MPDZ: variants seen among roughly 807,000 people sequenced by gnomAD.
MPDZ encodes multiple PDZ domain protein.
A neutral mutation model predicts 239.1 loss-of-function variants in MPDZ; 234 were observed. The observed-to-expected ratio is 0.98, with a 90% CI of 0.88 to 1.09. The LOEUF (loss-of-function observed/expected upper bound fraction) is 1.09, where lower values mean the gene tolerates loss of function less well. Among genes scored for constraint, MPDZ ranks in the 50% least tolerant of loss-of-function variants. MPDZ has a pLI of 0.00. For missense variants in MPDZ, 3,175 were observed against 2,510.0 expected, an observed-to-expected ratio of 1.26 and a Z score of -5.66; for synonymous variants, 1,048 against 881.3, an observed-to-expected ratio of 1.19 and a Z score of -3.35.
At position 13,186,370 on chromosome 9, in the gene MPDZ, C is replaced by G; in HGVS notation, c.2381G>C (p.Gly794Ala). The change falls in exon 18 of 47, where the codon GGT (glycine) becomes GCT (alanine). Residue 794 changes from glycine (G) to alanine (A), a missense_variant. Physicochemically the swap from Gly to Ala is moderately conservative, Grantham distance 60. Coordinates refer to ENST00000319217, the MANE Select transcript of MPDZ (RefSeq NM_001378778.1). Reference sequence around the variant, plus strand: ...GGAATCCTCCTTAGCAGAAACATAACCTTCTTCTGGTGAAAGCTGCAGGGA... The same window carrying G: ...GGAATCCTCCTTAGCAGAAACATAAGCTTCTTCTGGTGAAAGCTGCAGGGA... ...AKPLPLSPEE[G>A]YVSAKEDSFL... 6.3e-7 allele frequency: 1 copy of G among 1,577,746 alleles called. No homozygotes were observed. Among genetic ancestry groups the G allele is most frequent in the Non-Finnish European group, 8.6e-7 (1 of 1,160,416 alleles).
chr9:13,107,979 C>T (rs1214553565), intron 46 of MPDZ, among the ~76,000 whole-genome samples: 1 of 152,002 alleles, frequency 6.6e-6, no homozygotes, highest in East Asian at 1.9e-4. Flanking sequence ...TTTGGACATA[C>T]CGATAGCTTT....
chr9:13,147,420 T>G (rs1203230153), intron 26 of MPDZ, 128 bp downstream of exon 26: 1 of 656,096 alleles, frequency 1.5e-6, no homozygotes, highest in African/African-American at 1.8e-5. Flanking sequence ...AAAACAAACT[T>G]CTAACAAGTC....
chr9:13,145,535 T>C (rs1261178317), intron 26 of MPDZ, among the ~76,000 whole-genome samples: 1 of 152,098 alleles, frequency 6.6e-6, no homozygotes, highest in Non-Finnish European at 1.5e-5. Context: ...CTTTTAAGTA[T>C]GTGCATTTGT....
At chr9:13,108,904 GA>G in intron 46 of MPDZ, 31 bp downstream of exon 46, 3 of 1,603,422 alleles carry the variant, frequency 1.9e-6, no homozygotes, top group Non-Finnish European at 1.7e-6. Flanking sequence ...ATGTTTAGGG[GA>G]AAAGAGGGTG....
chr9:13,193,257 C>A lies in MPDZ; in HGVS notation c.1713G>T (p.Ala571=), dbSNP rs940890746. The A allele has an allele frequency of 1.2e-6, 2 of 1,612,308 alleles. No homozygotes were observed. Among genetic ancestry groups the A allele is most frequent in the Non-Finnish European group, 1.7e-6 (2 of 1,178,990 alleles). ...ENSGLGISLE[A]TVGHHFIRSV... ...ATCGGATAAAATGATGTCCCACTGT[C>A]GCTTCCAGGCTTATCCCCAATCCAC... The change falls in exon 14 of 47, where the codon GCG becomes GCT. Residue 571 remains alanine, a synonymous_variant. Coordinates refer to ENST00000319217, the MANE Select transcript of MPDZ (RefSeq NM_001378778.1).
chr9:13,222,056 G>C (rs1466496191), intron 6 of MPDZ, among the ~76,000 whole-genome samples, 177 bp downstream of exon 6: 1 of 152,034 alleles, frequency 6.6e-6, no homozygotes, highest in Non-Finnish European at 1.5e-5. Context: ...TGTTGTTTTA[G>C]AACTTAGAAG....
intron 10 of MPDZ, among the ~76,000 whole-genome samples, chr9:13,207,125 T>A (rs1957093795): frequency 6.6e-6 from 1 of 152,176 alleles, no homozygotes. Flanking sequence ...CAAGGTCATA[T>A]TTATATGGCC....
At chr9:13,184,209 A>G (rs2134559198) in intron 18 of MPDZ, among the ~76,000 whole-genome samples, 1 of 152,158 alleles carries the variant, frequency 6.6e-6, no homozygotes, top group Middle Eastern at 3.4e-3. Context: ...AGTGAGATAG[A>G]GAATTTCACT....
At chr9:13,162,827 G>T (rs1484912641) in intron 22 of MPDZ, 32 bp from the exon 23 acceptor site, 12 of 1,472,112 alleles carry the variant, frequency 8.2e-6, no homozygotes, top group Non-Finnish European at 1.1e-5. Flanking sequence ...GGAAGTGAAG[G>T]GAAATAATAT....
rs1168583774 is a variant in MPDZ at position 13,114,367 on chromosome 9, G to C, written c.5467-346C>G. Among the ~76,000 whole-genome samples, 5 of 152,288 alleles carry C rather than the reference G, an allele frequency of 3.3e-5. No individual in the cohort carries two copies. In the East Asian group the frequency reaches 7.7e-4, roughly 24 times the overall value. On this transcript the variant is annotated intron_variant, in intron 40 of 46. Coordinates refer to ENST00000319217, the MANE Select transcript of MPDZ (RefSeq NM_001378778.1). ...AACAAAAACTGTAGAATTAGGGCCA[G>C]CTAATAGGAAACTCATGGTAGTAAT... is the stretch of plus-strand genomic sequence containing the variant.
chr9:13,223,341 T>C (rs1055471979), intron 5 of MPDZ, among the ~76,000 whole-genome samples: 2 of 152,000 alleles, frequency 1.3e-5, no homozygotes, highest in African/African-American at 4.8e-5. Context: ...ATCCTCAAAT[T>C]TTTCTTTCCT....
At chr9:13,151,314 T>C (rs939269779) in intron 24 of MPDZ, among the ~76,000 whole-genome samples, 4 of 152,136 alleles carry the variant, frequency 2.6e-5, no homozygotes, top group Non-Finnish European at 4.4e-5. Context: ...GTGGGTATTA[T>C]ACCCAAAATA....
At chr9:13,107,662 C>G (rs1286864870) in intron 46 of MPDZ, among the ~76,000 whole-genome samples, 3 of 152,116 alleles carry the variant, frequency 2.0e-5, no homozygotes, top group Non-Finnish European at 4.4e-5. Flanking sequence ...TTTGAAAAAG[C>G]TATTCAAGCT....
intron 3 of MPDZ, among the ~76,000 whole-genome samples, chr9:13,225,595 C>T (rs754541305): frequency 6.6e-5 from 10 of 151,972 alleles, no homozygotes; most frequent in Non-Finnish European, 1.5e-4. Flanking sequence ...CACATTTTTA[C>T]TGTACCTTTT....
intron 1 of MPDZ, among the ~76,000 whole-genome samples, chr9:13,261,279 C>T (rs1219990752): frequency 1.3e-5 from 2 of 152,066 alleles, no homozygotes; most frequent in Admixed American, 6.5e-5. Flanking sequence ...GCAACACAGC[C>T]AATAAGAGGA....
At chr9:13,203,565 T>C (rs1216868800) in intron 12 of MPDZ, among the ~76,000 whole-genome samples, 1 of 152,154 alleles carries the variant, frequency 6.6e-6, no homozygotes, top group Non-Finnish European at 1.5e-5. Flanking sequence ...GCTTGCACGA[T>C]GTGTAAAATA....
chr9:13,130,528 T>C (rs568307895), intron 32 of MPDZ, among the ~76,000 whole-genome samples: 1 of 152,304 alleles, frequency 6.6e-6, no homozygotes, highest in Non-Finnish European at 1.5e-5. Context: ...AGCATGTGTA[T>C]GTTTTAGATG....
At chr9:13,257,600 T>G (rs1216938285) in intron 1 of MPDZ, among the ~76,000 whole-genome samples, 3 of 152,154 alleles carry the variant, frequency 2.0e-5, no homozygotes, top group African/African-American at 7.2e-5. Flanking sequence ...AATCGATTGG[T>G]GTATGTTTAT....
intron 39 of MPDZ, among the ~76,000 whole-genome samples, chr9:13,116,063 T>C (rs1483467861): frequency 6.6e-6 from 1 of 152,010 alleles, no homozygotes; most frequent in Non-Finnish European, 1.5e-5. Context: ...GTAAATTCTC[T>C]ATCACTACAC....
Sources: allele counts gnomAD v4.1 joint callset (sites outside exome capture counted in the v4.1 genomes callset), GRCh38; gene constraint gnomAD v4.1.1; transcripts MANE v1.5; gene names NCBI Gene and HGNC (gene_info 2026-07-23, HGNC 2026-07-21).